PARD3: variants seen among roughly 807,000 people sequenced by gnomAD.
The protein encoded by PARD3 is partitioning defective 3 homolog.
PARD3 carries 75 observed loss-of-function variants against 155.4 expected under a neutral mutation model. The observed-to-expected ratio is 0.48, with a 90% CI of 0.40 to 0.58. The LOEUF is 0.58. Among genes scored for constraint, PARD3 ranks in the 20% least tolerant of loss-of-function variants. PARD3 has a pLI of 0.00. For synonymous variants in PARD3, 576 were observed against 610.5 expected, an observed-to-expected ratio of 0.94 and a Z score of 0.83; for missense variants, 1,642 against 1,721.7, an observed-to-expected ratio of 0.95 and a Z score of 0.82.
chr10:34,384,044 C>T (rs1395841769), intron 8 of PARD3, 85 bp downstream of exon 8: 1 of 1,359,012 alleles, frequency 7.4e-7, no homozygotes, highest in Admixed American at 1.9e-5. Flanking sequence ...ACTGAGATCA[C>T]AGACATGTTT....
chr10:34,206,545 G>C (rs569616559), intron 22 of PARD3, among the ~76,000 whole-genome samples: 1 of 152,314 alleles, frequency 6.6e-6, no homozygotes, highest in South Asian at 2.1e-4. Context: ...GTGATAGAAG[G>C]AAACAGCTTT....
Position 34,717,246 on chromosome 10 carries a change from TC to T in PARD3, c.121-20828del, listed in dbSNP as rs918010003. Among the ~76,000 whole-genome samples, 48 of 152,114 alleles carry T rather than the reference TC, an allele frequency of 3.2e-4. 1 individual carries two copies. Among genetic ancestry groups the T allele is most frequent in the Middle Eastern group, 3.2e-3 (1 of 316 alleles). On this transcript the variant is annotated intron_variant, in intron 1 of 24. Transcript: ENST00000374788. ...CATTTCCTCTTTGTGGGCACCCAAG[TC>T]CTTTTGTATAGAAATGAGGGAGTTG... is the stretch of plus-strand genomic sequence containing the variant.
chr10:34,549,914 C>T (rs1391458435), intron 2 of PARD3, among the ~76,000 whole-genome samples: 1 of 151,962 alleles, frequency 6.6e-6, no homozygotes, highest in Admixed American at 6.6e-5. Context: ...ATTTCCAATT[C>T]TCCTCCACGA....
rs1244030254 is a variant in PARD3, at chr10:34,331,297, T to C, written c.2653A>G (p.Ser885Gly). 1.2e-6 allele frequency: 2 copies of C among 1,613,996 alleles called. No individual in the cohort carries two copies. Among genetic ancestry groups the C allele is most frequent in the Non-Finnish European group, 8.5e-7 (1 of 1,179,944 alleles). ...GCGGTCTGCAGACTCTCCAACGAGC[T>C]TGACTTCTTCAGACCCAGGGAAGGA... ...VGPSLGLKKS[S>G]SLESLQTAVA... Residue 885 changes from serine to glycine, a missense_variant, in exon 19 of 25, where the codon AGC becomes GGC. Ser to Gly is a moderately conservative substitution (Grantham distance 56). Transcript: ENST00000374788.
At chr10:34,597,629 A>G (rs1057225827) in intron 2 of PARD3, among the ~76,000 whole-genome samples, 5 of 152,184 alleles carry the variant, frequency 3.3e-5, no homozygotes, top group African/African-American at 1.2e-4. Context: ...TCACTTTGCC[A>G]TATTGAAAAC....
At chr10:34,394,152 AG>A (rs1405507779) in intron 7 of PARD3, among the ~76,000 whole-genome samples, 4 of 151,808 alleles carry the variant, frequency 2.6e-5, no homozygotes, top group Non-Finnish European at 4.4e-5. Context: ...CAGCCTCCAG[AG>A]TAGGTGGGAC....
intron 2 of PARD3, among the ~76,000 whole-genome samples, chr10:34,571,886 A>C (rs1255609226): frequency 1.3e-5 from 2 of 152,134 alleles, no homozygotes; most frequent in African/African-American, 2.4e-5. Flanking sequence ...TGTTTTTTGA[A>C]AAAAGTTACC....
chr10:34,427,928 A>G (rs1443440340), intron 5 of PARD3, among the ~76,000 whole-genome samples: 2 of 152,090 alleles, frequency 1.3e-5, no homozygotes, highest in African/African-American at 4.8e-5. Context: ...AACACACCAT[A>G]TCACCATGTA....
chr10:34,437,886 A>G (rs1232128510), intron 5 of PARD3, among the ~76,000 whole-genome samples: 1 of 152,242 alleles, frequency 6.6e-6, no homozygotes, highest in Non-Finnish European at 1.5e-5. Context: ...CCTGATAATT[A>G]AACATCTTAA....
chr10:34,227,871 TATATATATATATAC>T (rs1198103077), intron 22 of PARD3, among the ~76,000 whole-genome samples: 6 of 128,496 alleles, frequency 4.7e-5, no homozygotes, highest in African/African-American at 1.7e-4. Flanking sequence ...TATATATATA[TATATATATATATAC>T]TGGGAATATA....
At chr10:34,341,853 C>T (rs1171195959) in intron 15 of PARD3, 37 bp from the exon 16 acceptor site, 2 of 1,333,510 alleles carry the variant, frequency 1.5e-6, no homozygotes, top group Admixed American at 2.0e-5. Context: ...AAATTCTAGA[C>T]ATCGATCAAA....
intron 5 of PARD3, 109 bp from the exon 6 acceptor site, chr10:34,402,026 ACTGTT>A: frequency 1.2e-6 from 1 of 864,066 alleles, no homozygotes; most frequent in Non-Finnish European, 2.0e-6. Context: ...GATCTTGGTA[ACTGTT>A]TCCTCTAAGA....
intron 22 of PARD3, among the ~76,000 whole-genome samples, chr10:34,221,139 C>T (rs760634327): frequency 1.3e-5 from 2 of 152,222 alleles, no homozygotes; most frequent in Non-Finnish European, 2.9e-5. Flanking sequence ...CTGCTGTTCC[C>T]GTCTTGCCAC....
chr10:34,156,413 T>C (rs1361085504), intron 22 of PARD3, among the ~76,000 whole-genome samples: 1 of 152,184 alleles, frequency 6.6e-6, no homozygotes. Flanking sequence ...CTCATATTTT[T>C]ATAAAGCAGC....
At chr10:34,361,830 G>GT (rs949753632) in intron 12 of PARD3, among the ~76,000 whole-genome samples, 3 of 149,916 alleles carry the variant, frequency 2.0e-5, no homozygotes, top group South Asian at 2.1e-4. Flanking sequence ...TTGCTAATGG[G>GT]TTAAAAAAAA....
chr10:34,750,530 G>A (rs1835892677), intron 1 of PARD3, among the ~76,000 whole-genome samples: 1 of 149,486 alleles, frequency 6.7e-6, no homozygotes, highest in Non-Finnish European at 1.5e-5. Context: ...ATAGAGGACA[G>A]GAAAGCAACA....
At position 34,713,324 on chromosome 10, in the gene PARD3, C is replaced by G. The variant is rs113531280; in HGVS notation, c.121-16905G>C. Reference sequence around the variant, plus strand: ...AGAAAAAAAAATGGAATAGTGAAAGCTGTATCATCCACCAGGTAATATGCT... The same window carrying G: ...AGAAAAAAAAATGGAATAGTGAAAGGTGTATCATCCACCAGGTAATATGCT... On this transcript the variant is annotated intron_variant, in intron 1 of 24. Coordinates refer to ENST00000374788, the MANE Select transcript of PARD3 (RefSeq NM_001184785.2). Among the ~76,000 whole-genome samples the G allele has an allele frequency of 5.5e-3, 842 of 152,092 alleles. 8 individuals carry two copies. Among genetic ancestry groups the G allele is most frequent in the African/African-American group, 0.019 (799 of 41,490 alleles).
chr10:34,729,828 T>A (rs2094785542), intron 1 of PARD3, among the ~76,000 whole-genome samples: 1 of 152,144 alleles, frequency 6.6e-6, no homozygotes, highest in Non-Finnish European at 1.5e-5. Flanking sequence ...TGTACTTCAC[T>A]CCTGGCTGTT....
chr10:34,362,461 T>C (rs1290368395), intron 12 of PARD3, among the ~76,000 whole-genome samples: 1 of 152,214 alleles, frequency 6.6e-6, no homozygotes, highest in East Asian at 1.9e-4. Context: ...TTCAATATAC[T>C]TTTTATTTTG....
Sources: allele counts gnomAD v4.1 joint callset (sites outside exome capture counted in the v4.1 genomes callset), GRCh38; gene constraint gnomAD v4.1.1; transcripts MANE v1.5; gene names NCBI Gene and HGNC (gene_info 2026-07-23, HGNC 2026-07-21).